Variants in NPSR1 observed in about 807,000 individuals in gnomAD.
NPSR1 encodes the protein neuropeptide S receptor 1, also known as neuropeptide S receptor.
NPSR1 carries 48 observed loss-of-function variants against 46.9 expected under a neutral mutation model. That is an observed-to-expected ratio of 1.02 (90% CI 0.81 to 1.30). NPSR1 has a LOEUF of 1.30. NPSR1 is among the 50% of genes most tolerant of loss of function. The pLI is 0.00. For synonymous variants in NPSR1, 176 were observed against 168.1 expected, an observed-to-expected ratio of 1.05 and a Z score of -0.36; for missense variants, 450 against 449.5, an observed-to-expected ratio of 1.00 and a Z score of -0.01.
intron 8 of NPSR1, among the ~76,000 whole-genome samples, chr7:34,869,655 T>C (rs2128769805): frequency 6.6e-6 from 1 of 151,920 alleles, no homozygotes; most frequent in South Asian, 2.1e-4. Flanking sequence ...ATCCATTCAT[T>C]CATTCATTTA....
At chr7:34,751,468 C>T (rs990087063) in intron 2 of NPSR1, 65 of 1,173,706 alleles carry the variant, frequency 5.5e-5, no homozygotes, top group South Asian at 2.6e-4. Context: ...GCAGAAGCCG[C>T]GGATTAGTTC....
intron 1 of NPSR1, among the ~76,000 whole-genome samples, chr7:34,681,180 C>T (rs931157122): frequency 1.3e-5 from 2 of 152,116 alleles, no homozygotes; most frequent in Non-Finnish European, 2.9e-5. Context: ...CAGACCAAGT[C>T]CCAACCTGAG....
chr7:34,862,275 C>T (rs1791207928), intron 8 of NPSR1, among the ~76,000 whole-genome samples: 1 of 151,722 alleles, frequency 6.6e-6, no homozygotes, highest in East Asian at 1.9e-4. Context: ...AAGCCCCAGC[C>T]TTGCCATCTC....
At chr7:34,751,667 C>A in intron 2 of NPSR1, 1 of 1,593,092 alleles carries the variant, frequency 6.3e-7, no homozygotes, top group Non-Finnish European at 8.6e-7. Context: ...ACATCCCCAG[C>A]CAGGGACAAG....
At chr7:34,850,726 C>T (rs934049701), downstream of NPSR1, among the ~76,000 whole-genome samples, 3 of 152,142 alleles carry the variant, frequency 2.0e-5, no homozygotes, top group African/African-American at 7.2e-5. Flanking sequence ...TGAGACCTCT[C>T]ACTCTGTATT....
At chr7:34,771,004 C>A (rs938972274) in intron 2 of NPSR1, among the ~76,000 whole-genome samples, 13 of 152,152 alleles carry the variant, frequency 8.5e-5, no homozygotes, top group Non-Finnish European at 1.5e-4. Context: ...CCATTAGGCC[C>A]CACTGTCACA....
At chr7:34,829,972 C>T (rs894952395) in intron 5 of NPSR1, among the ~76,000 whole-genome samples, 2 of 152,234 alleles carry the variant, frequency 1.3e-5, no homozygotes, top group African/African-American at 4.8e-5. Flanking sequence ...AGAGGCTCCT[C>T]TTCCATCACC....
intron 3 of NPSR1, among the ~76,000 whole-genome samples, chr7:34,785,528 T>TAATAAC (rs1275510402): frequency 6.6e-6 from 1 of 151,118 alleles, no homozygotes; most frequent in Non-Finnish European, 1.5e-5. Context: ...ACTTAAAGTA[T>TAATAAC]AATAAAAAAA....
rs1791317498 is a variant in NPSR1 at position 34,866,453 on chromosome 7, T to C, written c.1026-11623T>C. On this transcript the variant is annotated intron_variant, in intron 8 of 8. Transcript: ENST00000359791. ...AGAGCGCACAGCCTGGAGGAAACTA[T>C]TCACAGAGATATCTCAGAACCTGTC... Among the ~76,000 whole-genome samples, 3 of 151,658 alleles carry C rather than the reference T, an allele frequency of 2.0e-5. No homozygotes were observed. The South Asian group carries it at 6.2e-4, about 31-fold the overall frequency.
At chr7:34,680,252 A>G (rs1054012335) in intron 1 of NPSR1, among the ~76,000 whole-genome samples, 15 of 152,314 alleles carry the variant, frequency 9.8e-5, no homozygotes, top group Middle Eastern at 3.4e-3. Context: ...CAAAAGACTT[A>G]ATGAAATGAC....
downstream of NPSR1, chr7:34,850,051 CTTAA>C (rs1224436232): frequency 1.1e-6 from 1 of 925,842 alleles, no homozygotes; most frequent in East Asian, 1.1e-4. Flanking sequence ...AAATAAAAGA[CTTAA>C]TTAAGCCCAT....
intron 8 of NPSR1, 29 bp downstream of exon 8, chr7:34,848,692 A>T: frequency 6.3e-7 from 1 of 1,596,036 alleles, no homozygotes; most frequent in Non-Finnish European, 8.6e-7. Context: ...TGGGTCAGAC[A>T]CACTGATGGC....
chr7:34,815,281 G>A (rs564310411), intron 4 of NPSR1, among the ~76,000 whole-genome samples: 1 of 152,302 alleles, frequency 6.6e-6, no homozygotes, highest in South Asian at 2.1e-4. Context: ...GCATGCACAA[G>A]CTTCAATAGC....
chr7:34,845,689 T>C (rs1790716552), intron 7 of NPSR1: 1 of 430,206 alleles, frequency 2.3e-6, no homozygotes, highest in Non-Finnish European at 4.6e-6. Flanking sequence ...TTTCTTATAG[T>C]CTGTCTCCCC....
At position 34,764,762 on chromosome 7, in the gene NPSR1, A is replaced by G. The variant is rs182363960; in HGVS notation, c.281-13700A>G. Reference sequence around the variant, plus strand: ...CATTGGAAGTCTCCTACTTCTAGGTAAGGACATGAAATTCTCTCATATGCA... The same window carrying G: ...CATTGGAAGTCTCCTACTTCTAGGTGAGGACATGAAATTCTCTCATATGCA... On this transcript the variant is annotated intron_variant, in intron 2 of 8. Transcript: ENST00000360581. Among the ~76,000 whole-genome samples the G allele has an allele frequency of 7.1e-4, 108 of 152,284 alleles. 3 individuals are homozygous for G. The highest frequency in any genetic ancestry group is 2.5e-3 in the African/African-American group (104 of 41,574).
At position 34,817,690 on chromosome 7, in the gene NPSR1, T is replaced by G. The variant is rs200907597; in HGVS notation, c.478+5827T>G. Among the ~76,000 whole-genome samples, 48 of 150,596 alleles carry G rather than the reference T, an allele frequency of 3.2e-4. No homozygotes were observed. The East Asian group carries it at 8.9e-3, about 28-fold the overall frequency. On this transcript the variant is annotated intron_variant, in intron 4 of 8. Transcript: ENST00000360581. ...CTCAATAAAGTACTGGCAAACTGAATCCTGCAGCACATCAAAAAGCTTATC... is the reference window on the plus strand; with the variant it reads ...CTCAATAAAGTACTGGCAAACTGAAGCCTGCAGCACATCAAAAAGCTTATC...
chr7:34,759,438 T>C (rs1215619527), intron 2 of NPSR1, among the ~76,000 whole-genome samples: 1 of 152,222 alleles, frequency 6.6e-6, no homozygotes, highest in Non-Finnish European at 1.5e-5. Context: ...TTTCTTTTTA[T>C]GCCTAGATTG....
At chr7:34,797,974 T>C (rs1038314457) in intron 3 of NPSR1, among the ~76,000 whole-genome samples, 17 of 151,998 alleles carry the variant, frequency 1.1e-4, no homozygotes, top group Non-Finnish European at 1.0e-4. Context: ...TTCTCAGACA[T>C]ACAAAAACAG....
intron 2 of NPSR1, among the ~76,000 whole-genome samples, chr7:34,773,992 C>T (rs753733839): frequency 4.6e-5 from 7 of 152,202 alleles, no homozygotes; most frequent in Non-Finnish European, 1.0e-4. Flanking sequence ...AAGTCCCTTT[C>T]ATTCAGGTCC....
Sources: gnomAD v4.1 joint callset for allele counts (sites outside exome capture counted in the v4.1 genomes callset) on GRCh38, gnomAD v4.1.1 for gene constraint, MANE v1.5 for transcripts, NCBI Gene and HGNC (gene_info 2026-07-23, HGNC 2026-07-21) for gene names.